NPEPPS: variants seen among roughly 807,000 people sequenced by gnomAD.
NPEPPS encodes the protein puromycin-sensitive aminopeptidase.
Under a neutral mutation model 115.5 loss-of-function variants are expected in NPEPPS, and 14 were observed. That is an observed-to-expected ratio of 0.12 (90% CI 0.08 to 0.19). NPEPPS has a LOEUF of 0.19. Among genes scored for constraint, NPEPPS ranks in the 10% least tolerant of loss-of-function variants. The pLI, the probability that NPEPPS is intolerant of heterozygous loss-of-function variation, is 1.00. For synonymous variants in NPEPPS, 285 were observed against 390.6 expected, an observed-to-expected ratio of 0.73 and a Z score of 3.19; for missense variants, 523 against 1,110.8, an observed-to-expected ratio of 0.47 and a Z score of 7.52.
In NPEPPS at chr17:47,622,019, T is replaced by C. The variant is rs1006911173; in HGVS notation, c.*99T>C. 3.7e-5 allele frequency: 52 copies of C among 1,405,960 alleles called. No homozygotes were observed. The highest frequency in any genetic ancestry group is 2.2e-5 in the Non-Finnish European group (24 of 1,070,428). The allele number at this position is 1,405,960 out of a possible 1,614,324, so 87.1% of individuals were successfully genotyped here. ...CATATGCCAAGAATTTGGAGTCTTC[T>C]TTCAAACCAGTGGGGGTTGGACAAT... On this transcript the variant is annotated 3_prime_UTR_variant, in exon 23 of 23. Transcript: ENST00000322157.
intron 2 of NPEPPS, among the ~76,000 whole-genome samples, chr17:47,546,726 G>A (rs1909244724): frequency 6.6e-6 from 1 of 151,978 alleles, no homozygotes; most frequent in South Asian, 2.1e-4. Context: ...TTTTAGTAGA[G>A]ACAGGGTTTT....
intron 12 of NPEPPS, among the ~76,000 whole-genome samples, chr17:47,593,326 C>T (rs1912631225): frequency 6.6e-6 from 1 of 152,096 alleles, no homozygotes; most frequent in Admixed American, 6.6e-5. Context: ...CTTTGGGAGG[C>T]CAGGATGTGC....
chr17:47,533,001 C>G (rs1326417523), intron 1 of NPEPPS, among the ~76,000 whole-genome samples: 3 of 152,088 alleles, frequency 2.0e-5, no homozygotes, highest in African/African-American at 7.2e-5. Flanking sequence ...TAGGCTCCCA[C>G]CTTAAAGAAC....
chr17:47,559,869 A>G (rs1910315996), intron 2 of NPEPPS, among the ~76,000 whole-genome samples: 1 of 152,018 alleles, frequency 6.6e-6, no homozygotes, highest in Non-Finnish European at 1.5e-5. Flanking sequence ...TCGCCTCCCA[A>G]AATGCTGGGA....
At chr17:47,596,266 T>G in intron 12 of NPEPPS, 87 bp from the exon 13 acceptor site, 1 of 761,014 alleles carries the variant, frequency 1.3e-6, no homozygotes, top group African/African-American at 1.8e-5. Flanking sequence ...GAATTAGCAG[T>G]GTAGTGTCAA....
chr17:47,544,405 A>G (rs1333833498), intron 1 of NPEPPS, among the ~76,000 whole-genome samples: 3 of 152,260 alleles, frequency 2.0e-5, no homozygotes, highest in Non-Finnish European at 4.4e-5. Context: ...TCCTCACAGA[A>G]GGCCTCATGG....
At chr17:47,536,026 A>G (rs1908221892) in intron 1 of NPEPPS, among the ~76,000 whole-genome samples, 2 of 151,596 alleles carry the variant, frequency 1.3e-5, no homozygotes, top group African/African-American at 4.8e-5. Context: ...TTTAGTGGAG[A>G]TGGGGTTTCA....
intron 20 of NPEPPS, 112 bp from the exon 21 acceptor site, chr17:47,618,897 C>G (rs1914369227): frequency 1.0e-6 from 1 of 958,764 alleles, no homozygotes; most frequent in East Asian, 2.4e-5. Flanking sequence ...ATTCCTAAAA[C>G]AAGGAATAAG....
chr17:47,572,976 A>G (rs1911290903), intron 3 of NPEPPS, among the ~76,000 whole-genome samples: 3 of 152,146 alleles, frequency 2.0e-5, no homozygotes, highest in Non-Finnish European at 2.9e-5. Context: ...GGGTTTCACC[A>G]TGTTGGCCAG....
intron 3 of NPEPPS, among the ~76,000 whole-genome samples, chr17:47,572,359 G>A (rs1045830332): frequency 3.3e-5 from 5 of 151,962 alleles, no homozygotes; most frequent in African/African-American, 1.2e-4. Context: ...AAGTCACTGG[G>A]GTAGCATTTA....
intron 1 of NPEPPS, among the ~76,000 whole-genome samples, chr17:47,536,704 CTTTTTTTTTTTT>C (rs572115219): frequency 3.9e-5 from 3 of 76,844 alleles, no homozygotes; most frequent in African/African-American, 1.3e-4. Context: ...TGCCTGGCTT[CTTTTTTTTTTTT>C]TTTTTTTTTT....
At chr17:47,554,994 T>G (rs1180717331) in intron 2 of NPEPPS, among the ~76,000 whole-genome samples, 1 of 152,192 alleles carries the variant, frequency 6.6e-6, no homozygotes, top group Non-Finnish European at 1.5e-5. Flanking sequence ...AATTTTCCAT[T>G]TAATATTTTC....
rs866635740 is a variant in NPEPPS at position 47,552,676 on chromosome 17, G to A, written c.340+6683G>A. Among the ~76,000 whole-genome samples, 10 of 152,264 alleles carry A rather than the reference G, an allele frequency of 6.6e-5. No individual in the cohort carries two copies. In the South Asian group the frequency reaches 1.2e-3, roughly 19 times the overall value. On this transcript the variant is annotated intron_variant, in intron 2 of 22. Transcript: ENST00000322157. Reference sequence around the variant, plus strand: ...GGTGATATGGATTGCTTTAGTGACTGCTGTTTTAGGAATTTAGTTGGCTTA... The same window carrying A: ...GGTGATATGGATTGCTTTAGTGACTACTGTTTTAGGAATTTAGTTGGCTTA...
At chr17:47,525,558 G>A (rs974810458) in intron 1 of NPEPPS, among the ~76,000 whole-genome samples, 4 of 152,114 alleles carry the variant, frequency 2.6e-5, no homozygotes, top group Non-Finnish European at 2.9e-5. Flanking sequence ...GGTCAGGCTG[G>A]TCTTGAACTC....
chr17:47,541,491 C>A (rs1372546713), intron 1 of NPEPPS, among the ~76,000 whole-genome samples: 1 of 151,986 alleles, frequency 6.6e-6, no homozygotes, highest in Non-Finnish European at 1.5e-5. Context: ...ATTCTCCTGC[C>A]TCAGCCTCCC....
intron 14 of NPEPPS, among the ~76,000 whole-genome samples, chr17:47,600,146 T>C (rs1383362098): frequency 6.6e-6 from 1 of 152,100 alleles, no homozygotes; most frequent in East Asian, 1.9e-4. Context: ...TGAATATATC[T>C]AACAAAGCTG....
In NPEPPS at chr17:47,611,745, T is replaced by C. The variant is rs1331276219; in HGVS notation, c.2096-715T>C. 2.6e-5 allele frequency among the ~76,000 whole-genome samples: 4 copies of C among 152,200 alleles called. No individual in the cohort carries two copies. The East Asian group carries it at 7.7e-4, about 29-fold the overall frequency. ...GCCTTGGCATCCCAAAGTGCTGGGA[T>C]TATAGGCATGAGCTACTGTGCCTGG... On this transcript the variant is annotated intron_variant, in intron 17 of 22. Coordinates refer to ENST00000322157, the MANE Select transcript of NPEPPS (RefSeq NM_006310.4).
intron 1 of NPEPPS, among the ~76,000 whole-genome samples, chr17:47,544,888 A>G (rs1239082236): frequency 2.0e-5 from 3 of 148,768 alleles, no homozygotes; most frequent in Admixed American, 1.4e-4. Context: ...AATTTTTAGT[A>G]GAGATGGGGT....
intron 2 of NPEPPS, among the ~76,000 whole-genome samples, chr17:47,556,492 A>G (rs1057456457): frequency 2.0e-5 from 3 of 152,144 alleles, no homozygotes; most frequent in African/African-American, 7.2e-5. Context: ...TTCTACACAG[A>G]CACAGCAACA....
Sources: allele counts gnomAD v4.1 joint callset (sites outside exome capture counted in the v4.1 genomes callset), GRCh38; gene constraint gnomAD v4.1.1; transcripts MANE v1.5; gene names NCBI Gene and HGNC (gene_info 2026-07-23, HGNC 2026-07-21).